ELFN1: variants seen among roughly 807,000 people sequenced by gnomAD.
ELFN1 encodes protein ELFN1.
A neutral mutation model predicts 7.6 loss-of-function variants in ELFN1; 6 were observed. The ratio of observed to expected loss-of-function variants is 0.79; its 90% CI spans 0.43 to 1.56. The LOEUF (loss-of-function observed/expected upper bound fraction) is 1.56. Among genes scored for constraint, ELFN1 ranks in the 40% most tolerant of loss-of-function variants. The pLI, the probability that ELFN1 is intolerant of heterozygous loss-of-function variation, is 0.01. For synonymous variants in ELFN1, 657 were observed against 588.1 expected, an observed-to-expected ratio of 1.12 and a Z score of -1.70; for missense variants, 1,169 against 1,232.2, an observed-to-expected ratio of 0.95 and a Z score of 0.77.
At chr7:1,724,003 G>A (rs139734917) in intron 3 of ELFN1, among the ~76,000 whole-genome samples, 3 of 152,222 alleles carry the variant, frequency 2.0e-5, no homozygotes, top group Non-Finnish European at 2.9e-5. Context: ...GATGTGGTTA[G>A]TCACAGGGGC....
chr7:1,692,970 GCTCTGCCATGTGCTGGCCGGGCTGTTACT>G, intron 2 of ELFN1: 1 of 243,204 alleles, frequency 4.1e-6, no homozygotes, highest in Non-Finnish European at 8.3e-6. Flanking sequence ...CCTGCGCCAC[GCTCTGCCATGTGCTGGCCGGGCTGTTACT>G]CTCTCAGCCT....
At position 1,746,601 on chromosome 7, in the gene ELFN1, T is replaced by C; in HGVS notation, c.2005T>C (p.Tyr669His). Reference protein sequence around the residue: ...VHKAAAAEAKYIEKGSPAADA... With the variant: ...VHKAAAAEAKHIEKGSPAADA... ...CAAGGCCGCGGCCGCCGAGGCCAAG[T>C]ACATCGAGAAGGGCTCCCCCGCGGC... Residue 669 changes from tyrosine to histidine, a missense_variant, in exon 4 of 4, where the codon TAC becomes CAC. Physicochemically the swap from Tyr to His is moderately conservative, Grantham distance 83. This residue lies in a region of ELFN1 where 914 missense variants were observed against 872.6 expected (regional missense o/e 1.05). Transcript: ENST00000424383. 1 of 1,348,744 alleles carries C rather than the reference T, an allele frequency of 7.4e-7. No individual in the cohort carries two copies. The highest frequency in any genetic ancestry group is 1.6e-5 in the African/African-American group (1 of 64,340). 83.5% of individuals were successfully genotyped at this position (1,348,744 alleles called of 1,614,324 possible). A position where few individuals can be genotyped will look rare whatever the true frequency, so the allele number is the denominator to read the frequency against.
chr7:1,671,766 G>A (rs979391778), intron 1 of ELFN1, among the ~76,000 whole-genome samples: 3 of 152,230 alleles, frequency 2.0e-5, no homozygotes, highest in African/African-American at 7.2e-5. Flanking sequence ...AACAAGCATT[G>A]AGAAGACTGG....
chr7:1,733,878 T>C (rs1780375553), intron 3 of ELFN1, among the ~76,000 whole-genome samples: 2 of 151,856 alleles, frequency 1.3e-5, no homozygotes, highest in South Asian at 2.1e-4. Flanking sequence ...AGGCCTCAGC[T>C]CCCCCAAAGG....
At chr7:1,702,251 C>T (rs750735853) in intron 2 of ELFN1, among the ~76,000 whole-genome samples, 25 of 152,136 alleles carry the variant, frequency 1.6e-4, no homozygotes, top group Middle Eastern at 3.4e-3. Context: ...GGTGAAACTC[C>T]GTCTCTACTA....
upstream of ELFN1, among the ~76,000 whole-genome samples, chr7:1,669,421 C>A (rs1194419735): frequency 6.6e-6 from 1 of 152,036 alleles, no homozygotes; most frequent in African/African-American, 2.4e-5. Context: ...GTTCTGCGAA[C>A]GCGGGCTTGT....
At chr7:1,724,712 C>A (rs985359461) in intron 3 of ELFN1, among the ~76,000 whole-genome samples, 3 of 152,172 alleles carry the variant, frequency 2.0e-5, no homozygotes, top group Non-Finnish European at 4.4e-5. Context: ...ACGCGACTCC[C>A]CCCAGGGCCT....
intron 1 of ELFN1, among the ~76,000 whole-genome samples, chr7:1,683,926 A>G (rs993094331): frequency 2.0e-5 from 3 of 152,140 alleles, no homozygotes; most frequent in African/African-American, 7.2e-5. Flanking sequence ...AGGCAGGAGG[A>G]TTGCTTGTGC....
rs750436200 is a variant in ELFN1 at position 1,705,011 on chromosome 7, C to T, written c.-455-4080C>T. Among the ~76,000 whole-genome samples, 6 of 152,146 alleles carry T rather than the reference C, an allele frequency of 3.9e-5. No homozygotes were observed. Among genetic ancestry groups the T allele is most frequent in the Admixed American group, 6.5e-5 (1 of 15,282 alleles). ...CCAGCCTGGGTGGGTCTGCGAGAGG[C>T]TCCCAGGCAGAGGGCACAGCAAGTG... On this transcript the variant is annotated intron_variant, in intron 2 of 3. Transcript: ENST00000424383. The surrounding 1 kb of genome is among the most constrained non-coding windows in gnomAD (Gnocchi z 4.3).
At chr7:1,669,030 GT>G (rs1778712571), upstream of ELFN1, among the ~76,000 whole-genome samples, 1 of 152,218 alleles carries the variant, frequency 6.6e-6, no homozygotes. Context: ...ATTCGGGCCA[GT>G]GCTGGGGGCC....
Position 1,746,814 on chromosome 7 carries a change from C to A in ELFN1, c.2218C>A (p.Leu740Ile). 6.5e-7 allele frequency: 1 copy of A among 1,534,316 alleles called. No homozygotes were observed. The highest frequency in any genetic ancestry group is 8.8e-7 in the Non-Finnish European group (1 of 1,141,690). ...GCGCAAGGCGTCCATCCTGGAGCCACTCACCCGGCCGCGGCCCCGCGACCT... is the reference window on the plus strand; with the variant it reads ...GCGCAAGGCGTCCATCCTGGAGCCAATCACCCGGCCGCGGCCCCGCGACCT... ...LGRKASILEP[L>I]TRPRPRDLAY... Residue 740 changes from leucine (L) to isoleucine (I), a missense_variant, in exon 4 of 4, where the codon CTC (leucine) becomes ATC (isoleucine). Coordinates refer to ENST00000424383, the MANE Select transcript of ELFN1 (RefSeq NM_001128636.4).
At chr7:1,696,556 CACTA>C (rs370599852) in intron 2 of ELFN1, among the ~76,000 whole-genome samples, 43 of 152,164 alleles carry the variant, frequency 2.8e-4, no homozygotes, top group East Asian at 2.5e-3. Context: ...CACACCCATG[CACTA>C]ACTATTGTTT....
chr7:1,727,691 C>T (rs1219349465), intron 3 of ELFN1, among the ~76,000 whole-genome samples: 2 of 152,146 alleles, frequency 1.3e-5, no homozygotes, highest in African/African-American at 2.4e-5. Flanking sequence ...TCACTGTAGC[C>T]TCCACCTCCT....
intron 1 of ELFN1, among the ~76,000 whole-genome samples, chr7:1,674,650 G>A (rs890156751): frequency 5.9e-5 from 9 of 152,146 alleles, no homozygotes; most frequent in Admixed American, 1.3e-4. Context: ...CGCCCTCGAC[G>A]TCTGCCCTAA....
rs1779516835 is a variant in ELFN1 at position 1,705,717 on chromosome 7, T to C, written c.-455-3374T>C. On this transcript the variant is annotated intron_variant, in intron 2 of 3. Transcript: ENST00000424383. The surrounding 1 kb of genome is among the most constrained non-coding windows in gnomAD (Gnocchi z 4.3). ...GCAATTCAGTGGATGGCTTTGGGCC[T>C]CGGTTTCCTGTCCACAACATCCTGC... is the stretch of plus-strand genomic sequence containing the variant. 6.6e-6 allele frequency among the ~76,000 whole-genome samples: 1 copy of C among 152,228 alleles called. No homozygotes were observed. Among genetic ancestry groups the C allele is most frequent in the East Asian group, 1.9e-4 (1 of 5,184 alleles).
At position 1,725,513 on chromosome 7, in the gene ELFN1, C is replaced by T. The variant is rs957474259; in HGVS notation, c.-294+16261C>T. On this transcript the variant is annotated intron_variant, in intron 3 of 3. Coordinates refer to ENST00000424383, the MANE Select transcript of ELFN1 (RefSeq NM_001128636.4). ...GGGTGGGGTGGGAGCAGAACACAGG[C>T]CTCCCTCCCGGGCCGGCTGCCTCTC... Among the ~76,000 whole-genome samples, 12 of 152,140 alleles carry T rather than the reference C, an allele frequency of 7.9e-5. 1 individual carries two copies. Among genetic ancestry groups the T allele is most frequent in the Admixed American group, 6.5e-4 (10 of 15,280 alleles).
chr7:1,713,100 C>T (rs1318314096), intron 3 of ELFN1, among the ~76,000 whole-genome samples: 1 of 152,222 alleles, frequency 6.6e-6, no homozygotes, highest in African/African-American at 2.4e-5. Flanking sequence ...CAGGCTCCTC[C>T]AGGCTCACCA....
At chr7:1,718,674 A>G (rs540197249) in intron 3 of ELFN1, among the ~76,000 whole-genome samples, 7 of 151,598 alleles carry the variant, frequency 4.6e-5, no homozygotes, top group African/African-American at 1.5e-4. Context: ...CCACCTGGAG[A>G]CTCTCCCATC....
At chr7:1,738,464 G>A (rs1440375958) in intron 3 of ELFN1, among the ~76,000 whole-genome samples, 1 of 152,184 alleles carries the variant, frequency 6.6e-6, no homozygotes, top group Non-Finnish European at 1.5e-5. Context: ...ATGGCCGGGT[G>A]TCGTGACATA....
Sources: allele counts gnomAD v4.1 joint callset (sites outside exome capture counted in the v4.1 genomes callset), GRCh38; gene constraint gnomAD v4.1.1; regional missense constraint gnomAD v4.1.1; non-coding constraint Gnocchi (gnomAD v3.1); transcripts MANE v1.5; gene names NCBI Gene and HGNC (gene_info 2026-07-23, HGNC 2026-07-21).